Variants in CAMTA1 observed in about 807,000 individuals in gnomAD.
The protein encoded by CAMTA1 is calmodulin binding transcription activator 1, also known as calmodulin-binding transcription activator 1.
A neutral mutation model predicts 170.9 loss-of-function variants in CAMTA1; 27 were observed. The ratio of observed to expected loss-of-function variants is 0.16; its 90% CI spans 0.12 to 0.22. The LOEUF (loss-of-function observed/expected upper bound fraction) is 0.22. Among genes scored for constraint, CAMTA1 ranks in the 10% least tolerant of loss-of-function variants. CAMTA1 has a pLI of 1.00. For synonymous variants in CAMTA1, 833 were observed against 891.5 expected, an observed-to-expected ratio of 0.93 and a Z score of 1.17; for missense variants, 1,619 against 2,217.2, an observed-to-expected ratio of 0.73 and a Z score of 5.42.
intron 5 of CAMTA1, among the ~76,000 whole-genome samples, chr1:7,417,098 G>A (rs142690392): frequency 0.02 from 2,594 of 128,656 alleles, 63 homozygotes; most frequent in African/African-American, 0.071. Flanking sequence ...GCAGATTTTC[G>A]TGAACCGCAA....
chr1:7,554,183 G>A (rs1367704709), intron 6 of CAMTA1, among the ~76,000 whole-genome samples: 1 of 152,194 alleles, frequency 6.6e-6, no homozygotes, highest in Non-Finnish European at 1.5e-5. Flanking sequence ...CATGGAAGAA[G>A]AAGGGTGTTT....
At chr1:7,169,173 T>C (rs1187007012) in intron 4 of CAMTA1, among the ~76,000 whole-genome samples, 1 of 152,220 alleles carries the variant, frequency 6.6e-6, no homozygotes, top group Non-Finnish European at 1.5e-5. Flanking sequence ...TAGACATTAC[T>C]GGATTTGGTT....
At chr1:6,825,045 G>A (rs1271666093) in intron 2 of CAMTA1, 47 bp from the exon 3 acceptor site, 1 of 1,164,768 alleles carries the variant, frequency 8.6e-7, no homozygotes, top group South Asian at 1.4e-5. Flanking sequence ...CTTTAAAGGA[G>A]ATTTTATCTA....
intron 3 of CAMTA1, among the ~76,000 whole-genome samples, chr1:6,870,766 T>TA (rs1668185431): frequency 6.6e-6 from 1 of 152,210 alleles, no homozygotes; most frequent in Non-Finnish European, 1.5e-5. Flanking sequence ...CACTGCTTTG[T>TA]AGAATCTGCT....
chr1:7,163,953 C>T (rs1647821168), intron 4 of CAMTA1, among the ~76,000 whole-genome samples: 1 of 152,148 alleles, frequency 6.6e-6, no homozygotes, highest in Non-Finnish European at 1.5e-5. Flanking sequence ...CTTTTTATTC[C>T]TTGCTGTAGC....
chr1:7,739,855 G>A (rs1025765257), intron 16 of CAMTA1, among the ~76,000 whole-genome samples: 4 of 152,180 alleles, frequency 2.6e-5, no homozygotes, highest in African/African-American at 9.7e-5. Flanking sequence ...GACCACCGCA[G>A]TTTCCCTACC....
At chr1:7,294,068 C>T (rs1202326918) in intron 5 of CAMTA1, among the ~76,000 whole-genome samples, 1 of 152,170 alleles carries the variant, frequency 6.6e-6, no homozygotes, top group African/African-American at 2.4e-5. Context: ...GTTAGTTGAT[C>T]CTGGTGCCCT....
intron 3 of CAMTA1, among the ~76,000 whole-genome samples, chr1:7,089,532 CCCCATCCCAT>C (rs3058551): frequency 0.084 from 10,023 of 119,364 alleles, 522 homozygotes; most frequent in Admixed American, 0.17. Context: ...TTTTTCCTAG[CCCCATCCCAT>C]CCCATCCCAT....
intron 4 of CAMTA1, among the ~76,000 whole-genome samples, chr1:7,142,372 G>A (rs1461692305): frequency 6.6e-6 from 1 of 152,160 alleles, no homozygotes; most frequent in Non-Finnish European, 1.5e-5. Flanking sequence ...AGTGGTCCAC[G>A]AACTGCAATG....
intron 6 of CAMTA1, among the ~76,000 whole-genome samples, chr1:7,566,213 C>G (rs2095039983): frequency 6.6e-6 from 1 of 152,174 alleles, no homozygotes; most frequent in African/African-American, 2.4e-5. Context: ...CCGGGCTGGG[C>G]CCCTGGGTGA....
chr1:7,667,431 G>A lies in CAMTA1; in HGVS notation c.2652+2232G>A, dbSNP rs116601900. ...ACTCTCTGGGGCTCAGTTTCCTTAC[G>A]TGTAAATGGCTGAGAGGGGGTGGCC... On this transcript the variant is annotated intron_variant, in intron 9 of 22. Transcript: ENST00000303635. Among the ~76,000 whole-genome samples the A allele has an allele frequency of 7.4e-3, 1,124 of 152,244 alleles. 16 individuals carry two copies. The highest frequency in any genetic ancestry group is 0.026 in the African/African-American group (1,076 of 41,534).
chr1:7,461,701 T>C (rs2093092603), intron 5 of CAMTA1, among the ~76,000 whole-genome samples: 1 of 152,184 alleles, frequency 6.6e-6, no homozygotes, highest in South Asian at 2.1e-4. Context: ...CCTGCCTCCT[T>C]GTGGGAGGTG....
At chr1:7,214,855 C>CTTTTTTT (rs1353496472) in intron 4 of CAMTA1, among the ~76,000 whole-genome samples, 5 of 79,354 alleles carry the variant, frequency 6.3e-5, no homozygotes, top group African/African-American at 7.6e-5. Flanking sequence ...CTTTTTCTTT[C>CTTTTTTT]TTTCTTTTTT....
chr1:7,112,927 G>C (rs533855196), intron 4 of CAMTA1, among the ~76,000 whole-genome samples: 51 of 152,280 alleles, frequency 3.3e-4, no homozygotes, highest in African/African-American at 1.2e-3. Context: ...GCTTTTTGGG[G>C]CTGCCCTGTT....
Position 7,472,230 on chromosome 1 carries a change from C to G in CAMTA1, c.510+4329C>G, listed in dbSNP as rs1149336. ...AGGACCCTGGGGCCTTAGGAGACCA[C>G]AGGACAGGGTGGCAGTGCAGGTCGG... On this transcript the variant is annotated intron_variant, in intron 6 of 22. Coordinates refer to ENST00000303635, the MANE Select transcript of CAMTA1 (RefSeq NM_015215.4). Among the ~76,000 whole-genome samples the G allele has an allele frequency of 7.2e-5, 11 of 152,160 alleles. 1 individual carries two copies. In the South Asian group the frequency reaches 2.3e-3, roughly 32 times the overall value.
At chr1:6,984,233 C>T (rs1395351164) in intron 3 of CAMTA1, among the ~76,000 whole-genome samples, 1 of 150,564 alleles carries the variant, frequency 6.6e-6, no homozygotes, top group African/African-American at 2.5e-5. Context: ...GCTGGGTGGG[C>T]GGATGGCAAC....
chr1:6,908,270 C>G (rs1281650915), intron 3 of CAMTA1, among the ~76,000 whole-genome samples: 2 of 152,236 alleles, frequency 1.3e-5, no homozygotes, highest in East Asian at 3.9e-4. Flanking sequence ...TACTCCCCCT[C>G]ACTCCCTTCA....
At chr1:7,749,153 G>C (rs1281729495) in intron 19 of CAMTA1, among the ~76,000 whole-genome samples, 1 of 152,182 alleles carries the variant, frequency 6.6e-6, no homozygotes, top group African/African-American at 2.4e-5. Context: ...GCTTTAGGTA[G>C]TTATAAATTT....
chr1:6,887,611 T>C lies in CAMTA1; in HGVS notation c.234+62401T>C. On this transcript the variant is annotated intron_variant, in intron 3 of 22. Coordinates refer to ENST00000303635, the MANE Select transcript of CAMTA1 (RefSeq NM_015215.4). This position sits in a 1 kb window ranked among gnomAD's most constrained non-coding sequence, Gnocchi z 4.1. ...ATTTTTCTTCAGTTAAAAACAGAAA[T>C]AGAAGCGACGGTTTTGACCCATTTT... 1 of 1,530,064 alleles carries C rather than the reference T, an allele frequency of 6.5e-7. No homozygotes were observed. Among genetic ancestry groups the C allele is most frequent in the Non-Finnish European group, 8.7e-7 (1 of 1,144,454 alleles). 94.8% of individuals were successfully genotyped at this position (1,530,064 alleles called of 1,614,324 possible).
Sources: gnomAD v4.1 joint callset for allele counts (sites outside exome capture counted in the v4.1 genomes callset) on GRCh38, gnomAD v4.1.1 for gene constraint, Gnocchi (gnomAD v3.1) non-coding constraint, MANE v1.5 for transcripts, NCBI Gene and HGNC (gene_info 2026-07-23, HGNC 2026-07-21) for gene names.